OSBPL10: variants seen among roughly 807,000 people sequenced by gnomAD.
OSBPL10 encodes oxysterol binding protein like 10.
Under a neutral mutation model 81.7 loss-of-function variants are expected in OSBPL10, and 49 were observed. The observed-to-expected ratio is 0.60, with a 90% confidence interval of 0.48 to 0.76. The LOEUF is 0.76. OSBPL10 is among the 30% of genes least tolerant of loss of function. The probability of loss-of-function intolerance (pLI) is 0.00; values close to 1 mark genes in which losing one functional copy is unlikely to be tolerated. For missense variants in OSBPL10, 923 were observed against 987.8 expected, an observed-to-expected ratio of 0.93 and a Z score of 0.88; for synonymous variants, 419 against 383.6, an observed-to-expected ratio of 1.09 and a Z score of -1.08.
chr3:31,762,630 A>ATTTTTTTTTT (rs56311731), intron 4 of OSBPL10, among the ~76,000 whole-genome samples: 768 of 61,456 alleles, frequency 0.012, 200 homozygotes, highest in African/African-American at 0.056. Context: ...CATGCCCAGC[A>ATTTTTTTTTT]TTTTTTTTTT....
intron 6 of OSBPL10, among the ~76,000 whole-genome samples, chr3:31,715,522 A>C (rs886446402): frequency 6.6e-6 from 1 of 152,162 alleles, no homozygotes; most frequent in African/African-American, 2.4e-5. Context: ...ATCTTTCCTT[A>C]ATTTCTTGGT....
At chr3:31,835,997 C>G (rs1287918546) in intron 3 of OSBPL10, among the ~76,000 whole-genome samples, 2 of 152,186 alleles carry the variant, frequency 1.3e-5, no homozygotes, top group Non-Finnish European at 2.9e-5. Flanking sequence ...TATTGACCTC[C>G]TCATTTGCAT....
chr3:31,920,848 T>C (rs943117880), intron 1 of OSBPL10, among the ~76,000 whole-genome samples: 6 of 152,186 alleles, frequency 3.9e-5, no homozygotes, highest in Admixed American at 2.0e-4. Context: ...TCTCTCACCA[T>C]GTGATCCACT....
At chr3:31,673,064 A>C (rs1202936265) in intron 8 of OSBPL10, among the ~76,000 whole-genome samples, 1 of 152,156 alleles carries the variant, frequency 6.6e-6, no homozygotes, top group Non-Finnish European at 1.5e-5. Flanking sequence ...TCATCTTGCC[A>C]AAAGTAAAGC....
At chr3:31,695,622 A>AT (rs764203533) in intron 7 of OSBPL10, among the ~76,000 whole-genome samples, 4 of 152,192 alleles carry the variant, frequency 2.6e-5, no homozygotes, top group Non-Finnish European at 5.9e-5. Flanking sequence ...CATTCTGTAT[A>AT]TCTCAATCTG....
intron 4 of OSBPL10, among the ~76,000 whole-genome samples, chr3:31,760,526 T>C (rs536060231): frequency 1.0e-3 from 154 of 152,370 alleles, no homozygotes; most frequent in African/African-American, 3.6e-3. Context: ...TAAATAGTTA[T>C]TATACTTTAT....
intron 5 of OSBPL10, among the ~76,000 whole-genome samples, chr3:31,735,583 T>G (rs1251307973): frequency 6.6e-6 from 1 of 152,190 alleles, no homozygotes; most frequent in East Asian, 1.9e-4. Context: ...GTCACATCAG[T>G]ATTTTTTTCC....
At chr3:31,807,064 A>G (rs1048353368) in intron 4 of OSBPL10, among the ~76,000 whole-genome samples, 1 of 152,228 alleles carries the variant, frequency 6.6e-6, no homozygotes, top group Admixed American at 6.5e-5. Context: ...TAACAGCTAC[A>G]TGATCTGACA....
chr3:31,921,306 C>G (rs1696906046), intron 1 of OSBPL10, among the ~76,000 whole-genome samples: 1 of 152,122 alleles, frequency 6.6e-6, no homozygotes, highest in South Asian at 2.1e-4. Context: ...ATACCTAGTG[C>G]CCACATCTTG....
At chr3:31,930,628 A>C (rs1252231392) in intron 1 of OSBPL10, among the ~76,000 whole-genome samples, 2 of 152,236 alleles carry the variant, frequency 1.3e-5, no homozygotes, top group East Asian at 3.8e-4. Flanking sequence ...CTATGTAGTC[A>C]TAAGAAAAGA....
chr3:31,769,795 C>A (rs1166581445), intron 4 of OSBPL10, among the ~76,000 whole-genome samples: 1 of 151,950 alleles, frequency 6.6e-6, no homozygotes, highest in Non-Finnish European at 1.5e-5. Context: ...ATAAGAAAAC[C>A]AGATTTCCCA....
intron 1 of OSBPL10, among the ~76,000 whole-genome samples, chr3:31,887,855 A>G (rs1404154837): frequency 1.3e-5 from 2 of 152,150 alleles, no homozygotes; most frequent in Non-Finnish European, 2.9e-5. Context: ...GACTAGAGAA[A>G]TGCAGTGGTC....
intron 1 of OSBPL10, among the ~76,000 whole-genome samples, chr3:31,933,755 C>G (rs1697312127): frequency 6.6e-6 from 1 of 151,976 alleles, no homozygotes; most frequent in African/African-American, 2.4e-5. Context: ...ATTAGAACAC[C>G]CTAGGACAAT....
intron 2 of OSBPL10, among the ~76,000 whole-genome samples, chr3:32,044,905 A>C (rs535840180): frequency 6.6e-6 from 1 of 152,330 alleles, no homozygotes; most frequent in East Asian, 1.9e-4. Flanking sequence ...GCCTCTACTT[A>C]AAATTTGCAG....
intron 1 of OSBPL10, among the ~76,000 whole-genome samples, chr3:32,057,915 A>T (rs958612292): frequency 6.6e-6 from 1 of 152,214 alleles, no homozygotes; most frequent in Non-Finnish European, 1.5e-5. Flanking sequence ...GAGGAAGGGC[A>T]ACCTATGCAA....
intron 3 of OSBPL10, among the ~76,000 whole-genome samples, chr3:31,846,752 G>C (rs1161414028): frequency 7.0e-6 from 1 of 141,908 alleles, no homozygotes; most frequent in Non-Finnish European, 1.6e-5. Flanking sequence ...AAATCCAAAG[G>C]TCTTATCCCA....
At chr3:31,985,994 G>A (rs4376070), upstream of OSBPL10, among the ~76,000 whole-genome samples, 780 of 152,248 alleles carry the variant, frequency 5.1e-3, 3 homozygotes, top group Middle Eastern at 0.014. Context: ...GCTACTGAGC[G>A]TGAGTTCTTA....
intron 5 of OSBPL10, among the ~76,000 whole-genome samples, chr3:31,738,245 T>G (rs180786455): frequency 1.3e-5 from 2 of 152,236 alleles, no homozygotes; most frequent in Admixed American, 1.3e-4. Context: ...GGCTTTTTAT[T>G]ACTGAAATTC....
intron 4 of OSBPL10, among the ~76,000 whole-genome samples, chr3:31,760,262 C>G (rs1302048721): frequency 6.6e-6 from 1 of 152,048 alleles, no homozygotes; most frequent in Non-Finnish European, 1.5e-5. Context: ...GGCAGTCACA[C>G]TCAGTTTAAT....
Sources: allele counts gnomAD v4.1 joint callset (sites outside exome capture counted in the v4.1 genomes callset), GRCh38; gene constraint gnomAD v4.1.1; transcripts MANE v1.5; gene names NCBI Gene and HGNC (gene_info 2026-07-23, HGNC 2026-07-21).